Variants in FOXN3 observed in about 807,000 individuals in gnomAD.
The protein encoded by FOXN3 is forkhead box N3, also known as forkhead box protein N3.
A neutral mutation model predicts 38.4 loss-of-function variants in FOXN3; 7 were observed. The ratio of observed to expected loss-of-function variants is 0.18; its 90% CI spans 0.10 to 0.34. The LOEUF (loss-of-function observed/expected upper bound fraction) is 0.34, where lower values mean the gene tolerates loss of function less well. Ranked by LOEUF, FOXN3 falls within the 10% of genes least tolerant of loss-of-function variation. The pLI is 1.00. For synonymous variants in FOXN3, 230 were observed against 242.2 expected (o/e 0.95, Z 0.47); for missense variants, 456 against 613.4 (o/e 0.74, Z 2.71).
chr14:89,356,152 C>G (rs530572110), intron 2 of FOXN3, among the ~76,000 whole-genome samples: 44 of 151,732 alleles, frequency 2.9e-4, no homozygotes, highest in Non-Finnish European at 5.7e-4. Context: ...AATCCCAGCA[C>G]TTTGGGAGGC....
chr14:89,524,659 G>A (rs1206482602), intron 1 of FOXN3, among the ~76,000 whole-genome samples: 1 of 151,428 alleles, frequency 6.6e-6, no homozygotes, highest in East Asian at 1.9e-4. Context: ...AAGTATAGGA[G>A]GACATTATCA....
At chr14:89,576,060 A>G (rs1219236690) in intron 1 of FOXN3, among the ~76,000 whole-genome samples, 1 of 152,152 alleles carries the variant, frequency 6.6e-6, no homozygotes, top group African/African-American at 2.4e-5. Flanking sequence ...TGTTCCTGAC[A>G]CCTCTGATGG....
intron 3 of FOXN3, among the ~76,000 whole-genome samples, chr14:89,288,661 G>GCT (rs1211190937): frequency 4.8e-5 from 2 of 42,032 alleles, no homozygotes; most frequent in African/African-American, 7.1e-5. Flanking sequence ...GCTGTAATAG[G>GCT]CACTCTCTTT....
chr14:89,488,604 A>T (rs1596294725), intron 1 of FOXN3, among the ~76,000 whole-genome samples: 3 of 148,820 alleles, frequency 2.0e-5, no homozygotes, highest in Middle Eastern at 6.8e-3. Context: ...GTGAGCCATG[A>T]TGGTGCCATT....
intron 1 of FOXN3, among the ~76,000 whole-genome samples, chr14:89,469,827 C>T (rs1367331334): frequency 1.3e-5 from 2 of 152,236 alleles, no homozygotes; most frequent in Non-Finnish European, 2.9e-5. Flanking sequence ...CACGCAGGAT[C>T]GTTCCATGTA....
At chr14:89,204,130 C>T (rs922945941) in intron 4 of FOXN3, among the ~76,000 whole-genome samples, 2 of 151,646 alleles carry the variant, frequency 1.3e-5, no homozygotes, top group African/African-American at 2.4e-5. Context: ...CCCACAGGAG[C>T]GATCTCTCTC....
chr14:89,312,100 CA>C (rs1789521711), intron 3 of FOXN3, among the ~76,000 whole-genome samples: 1 of 151,726 alleles, frequency 6.6e-6, no homozygotes, highest in South Asian at 2.1e-4. Flanking sequence ...GCCTGGCCAA[CA>C]TGGTGAAACC....
chr14:89,395,978 C>G (rs1181661942), intron 2 of FOXN3, among the ~76,000 whole-genome samples: 1 of 152,136 alleles, frequency 6.6e-6, no homozygotes, highest in African/African-American at 2.4e-5. Context: ...CACCAAGAAG[C>G]AGATCAGGTC....
chr14:89,235,994 T>C (rs1792224809), intron 4 of FOXN3, among the ~76,000 whole-genome samples: 1 of 152,196 alleles, frequency 6.6e-6, no homozygotes, highest in African/African-American at 2.4e-5. Context: ...TTAAGGAGTG[T>C]TTGGCCTGAG....
intron 1 of FOXN3, among the ~76,000 whole-genome samples, chr14:89,541,759 C>T (rs907769576): frequency 5.3e-5 from 8 of 152,036 alleles, no homozygotes; most frequent in African/African-American, 4.8e-5. Flanking sequence ...ACCCCTTTCC[C>T]GTAACAGTGC....
intron 1 of FOXN3, among the ~76,000 whole-genome samples, chr14:89,494,770 A>C (rs1361423165): frequency 1.3e-5 from 2 of 152,268 alleles, no homozygotes; most frequent in Non-Finnish European, 2.9e-5. Flanking sequence ...TTAATTAGGC[A>C]AAAGCATAAA....
At chr14:89,464,128 GAC>G (rs1319122229) in intron 1 of FOXN3, among the ~76,000 whole-genome samples, 1 of 152,196 alleles carries the variant, frequency 6.6e-6, no homozygotes, top group African/African-American at 2.4e-5. Flanking sequence ...AGGTAGTGCA[GAC>G]AGAGTGGATC....
chr14:89,549,288 A>G (rs1186648715), intron 1 of FOXN3, among the ~76,000 whole-genome samples: 1 of 151,882 alleles, frequency 6.6e-6, no homozygotes, highest in Non-Finnish European at 1.5e-5. Context: ...AAAAAAAAAA[A>G]AAGAACATTT....
intron 5 of FOXN3, among the ~76,000 whole-genome samples, chr14:89,170,467 G>A (rs1887360630): frequency 6.6e-6 from 1 of 152,054 alleles, no homozygotes; most frequent in African/African-American, 2.4e-5. Context: ...GATAGAGATG[G>A]GGTTTCACTG....
intron 4 of FOXN3, 117 bp from the exon 5 acceptor site, chr14:89,180,923 CAGAGAG>C (rs1197097183): frequency 8.1e-6 from 4 of 493,020 alleles, no homozygotes; most frequent in African/African-American, 1.2e-4. Flanking sequence ...AGGGCAGAGA[CAGAGAG>C]AAACACACAC....
At chr14:89,210,366 C>T (rs1437825817) in intron 4 of FOXN3, among the ~76,000 whole-genome samples, 1 of 152,132 alleles carries the variant, frequency 6.6e-6, no homozygotes, top group Non-Finnish European at 1.5e-5. Context: ...TTTTCTGTGG[C>T]CTCCCCAGAA....
At chr14:89,334,000 ATATATATATG>A (rs1287748793) in intron 3 of FOXN3, among the ~76,000 whole-genome samples, 68 of 58,610 alleles carry the variant, frequency 1.2e-3, no homozygotes, top group Non-Finnish European at 1.7e-3. Flanking sequence ...ATATATATAT[ATATATATATG>A]TATATAAATG....
chr14:89,336,256 A>AT (rs56225844), intron 3 of FOXN3, among the ~76,000 whole-genome samples: 2 of 151,114 alleles, frequency 1.3e-5, no homozygotes, highest in African/African-American at 2.4e-5. Flanking sequence ...CCATTCATCC[A>AT]TCCACACAGA....
intron 1 of FOXN3, among the ~76,000 whole-genome samples, chr14:89,434,813 C>T (rs11625326): frequency 0.26 from 39,905 of 152,144 alleles, 6,152 homozygotes; most frequent in Admixed American, 0.4. Context: ...AAAGCACAGA[C>T]ATTTGACAAG....
Sources: allele counts gnomAD v4.1 joint callset (sites outside exome capture counted in the v4.1 genomes callset), GRCh38; gene constraint gnomAD v4.1.1; transcripts MANE v1.5; gene names NCBI Gene and HGNC (gene_info 2026-07-23, HGNC 2026-07-21).